Variants in EIF3A observed in about 807,000 individuals in gnomAD.
The protein encoded by EIF3A is eukaryotic translation initiation factor 3 subunit A.
A neutral mutation model predicts 186.6 loss-of-function variants in EIF3A; 21 were observed. The observed-to-expected ratio is 0.11, with a 90% CI of 0.08 to 0.16. The LOEUF (loss-of-function observed/expected upper bound fraction) is 0.16, where lower values mean the gene tolerates loss of function less well. Ranked by LOEUF, EIF3A falls within the 10% of genes least tolerant of loss-of-function variation. EIF3A has a pLI of 1.00. For missense variants in EIF3A, 1,306 were observed against 1,796.3 expected (o/e 0.73, Z 4.93); for synonymous variants, 563 against 584.3 (o/e 0.96, Z 0.52).
Position 119,075,621 on chromosome 10 carries a change from A to AAGG in EIF3A, c.50-1685_50-1684insCCT, listed in dbSNP as rs5788327. On this transcript the variant is annotated intron_variant, in intron 1 of 21. Coordinates refer to ENST00000369144, the MANE Select transcript of EIF3A (RefSeq NM_003750.4). The stretch of plus-strand genomic sequence containing the variant: ...CTAAAACACTACACTAAAAAAAAAA[A>AAGG]GGGGGGGAGCTTAAAACACTATATA... 4.6e-3 allele frequency among the ~76,000 whole-genome samples: 519 copies of AAGG among 111,712 alleles called. 12 individuals are homozygous for AAGG. The highest frequency in any genetic ancestry group is 8.5e-3 in the African/African-American group (246 of 29,088). 73.3% of individuals were successfully genotyped at this position (111,712 alleles called of 152,430 possible).
intron 9 of EIF3A, 116 bp from the exon 10 acceptor site, chr10:119,059,834 G>C (rs901800655): frequency 1.4e-6 from 1 of 727,342 alleles, no homozygotes; most frequent in Non-Finnish European, 2.5e-6. Flanking sequence ...TATGTTAGCA[G>C]TACATTGTTA....
Position 119,038,383 on chromosome 10 carries a change from A to C in EIF3A, c.3583T>G (p.Ser1195Ala). 6.2e-7 allele frequency: 1 copy of C among 1,613,788 alleles called. No individual in the cohort carries two copies. The highest frequency in any genetic ancestry group is 8.5e-7 in the Non-Finnish European group (1 of 1,179,950). The change falls in exon 20 of 22, where the codon TCA (serine) becomes GCA (alanine). Residue 1195 changes from serine to alanine, a missense_variant. Around this residue, in one of 8 missense-constraint regions of EIF3A, gnomAD observed 331 missense variants for 365.8 expected, o/e 0.90. Transcript: ENST00000369144. ...REESWGPPRE[S>A]RPSEEREWDR... is the part of the protein sequence containing the mutation. ...CATTCACGTTCTTCTGATGGCCTTGATTCTCGAGGTGGACCCCAGCTCTCC... is the reference window on the plus strand; with the variant it reads ...CATTCACGTTCTTCTGATGGCCTTGCTTCTCGAGGTGGACCCCAGCTCTCC...
chr10:119,072,665 G>A (rs1844097489), intron 4 of EIF3A, among the ~76,000 whole-genome samples: 1 of 152,156 alleles, frequency 6.6e-6, no homozygotes, highest in African/African-American at 2.4e-5. Context: ...ATGTTGGCCA[G>A]GCCGCTCTTG....
intron 7 of EIF3A, among the ~76,000 whole-genome samples, chr10:119,063,888 G>A (rs1843928915): frequency 6.6e-6 from 1 of 152,224 alleles, no homozygotes; most frequent in Admixed American, 6.5e-5. Flanking sequence ...TTCACGACCA[G>A]CCTAGCCAAC....
At position 119,044,037 on chromosome 10, in the gene EIF3A, T is replaced by C. The variant is rs1461228460; in HGVS notation, c.2747+17A>G. 1 of 1,583,958 alleles carries C rather than the reference T, an allele frequency of 6.3e-7. No individual in the cohort carries two copies. The highest frequency in any genetic ancestry group is 8.7e-7 in the Non-Finnish European group (1 of 1,153,324). On this transcript the variant is annotated intron_variant, in intron 18 of 21. Transcript: ENST00000369144. ...AACAGGAACTGGAGCGGCATTATTT[T>C]CCTCAACTCTACTTACTTCTCTGGC...
rs1174695568 is a variant in EIF3A at position 119,042,324 on chromosome 10, C to T, written c.3196G>A (p.Asp1066Asn). 3.1e-6 allele frequency: 5 copies of T among 1,613,780 alleles called. No homozygotes were observed. In the Admixed American group the frequency reaches 8.3e-5, roughly 27 times the overall value. ...TCCAACCCTCGCCTGGGACCCCGGT[C>T]ATCATCAGCATTACGCCAGGATGAT... ...ERSSWRNADD[D>N]RGPRRGLDDD... The change falls in exon 19 of 22, where the codon GAC (aspartate) becomes AAC (asparagine). Residue 1066 changes from aspartate (D) to asparagine (N), a missense_variant. Physicochemically the swap from Asp to Asn is conservative, Grantham distance 23. Around this residue, in one of 8 missense-constraint regions of EIF3A, gnomAD observed 410 missense variants for 473.5 expected, o/e 0.87. Transcript: ENST00000369144. This position sits in a 1 kb window ranked among gnomAD's most constrained non-coding sequence, Gnocchi z 7.8.
At position 119,069,490 on chromosome 10, in the gene EIF3A, G is replaced by A. The variant is rs375631621; in HGVS notation, c.906C>T (p.Leu302=). ...TGAGATTCTTTCTCATTTCTCTAGA[G>A]AGATGGTAAAGACGATGGAGTGTAG... is the stretch of plus-strand genomic sequence containing the variant. The part of the protein sequence containing the change: ...HASTLHRLYH[L]SREMRKNLTQ... Residue 302 remains leucine (L), a synonymous_variant, in exon 6 of 22, where the codon CTC becomes CTT. Transcript: ENST00000369144. The A allele has an allele frequency of 5.7e-6, 9 of 1,579,088 alleles. No homozygotes were observed. The highest frequency in any genetic ancestry group is 2.2e-5 in the South Asian group (2 of 90,362).
At chr10:119,049,644 C>T (rs770656522) in intron 17 of EIF3A, among the ~76,000 whole-genome samples, 157 bp downstream of exon 17, 12 of 151,682 alleles carry the variant, frequency 7.9e-5, no homozygotes, top group Non-Finnish European at 1.8e-4. Context: ...CTCAGCTACT[C>T]AGGAGGCTGA....
chr10:119,036,212 G>A lies in EIF3A; in HGVS notation c.3976C>T (p.Pro1326Ser), dbSNP rs569387973. ...GCTGGGGGAGGAACTCGACGAGGAGGGTCCCGCTCTTCCACCCGGTCATCT... is the reference window on the plus strand; with the variant it reads ...GCTGGGGGAGGAACTCGACGAGGAGAGTCCCGCTCTTCCACCCGGTCATCT... ...RKDDRVEERD[P>S]PRRVPPPALS... Residue 1326 changes from proline to serine, a missense_variant, in exon 22 of 22, where the codon CCT becomes TCT. Physicochemically the swap from Pro to Ser is moderately conservative, Grantham distance 74. Around this residue, in one of 8 missense-constraint regions of EIF3A, gnomAD observed 331 missense variants for 365.8 expected, o/e 0.90. Coordinates refer to ENST00000369144, the MANE Select transcript of EIF3A (RefSeq NM_003750.4). 1.2e-6 allele frequency: 2 copies of A among 1,613,316 alleles called. No individual in the cohort carries two copies. Among genetic ancestry groups the A allele is most frequent in the South Asian group, 1.1e-5 (1 of 91,038 alleles).
At chr10:119,075,830 C>T (rs1427216415) in intron 1 of EIF3A, among the ~76,000 whole-genome samples, 2 of 144,734 alleles carry the variant, frequency 1.4e-5, no homozygotes, top group Non-Finnish European at 3.0e-5. Flanking sequence ...TCTCCTGCCT[C>T]AGCCTCCTGA....
chr10:119,080,399 G>A, intron 1 of EIF3A: 9 of 985,466 alleles, frequency 9.1e-6, no homozygotes, highest in Non-Finnish European at 1.1e-5. Context: ...GCAGGGGGAA[G>A]GAAAGGCCCC....
Position 119,038,456 on chromosome 10 carries a change from G to C in EIF3A, c.3527-17C>G. 6.3e-7 allele frequency: 1 copy of C among 1,579,914 alleles called. No homozygotes were observed. Among genetic ancestry groups the C allele is most frequent in the Non-Finnish European group, 8.6e-7 (1 of 1,165,282 alleles). ...TCCATCCACCTGTTTTTTTGAAAAA[G>C]CAAAACATTTTTAAAATATTTTTAA... On this transcript the variant is annotated splice_polypyrimidine_tract_variant and intron_variant, in intron 19 of 21. Transcript: ENST00000369144.
At position 119,072,900 on chromosome 10, in the gene EIF3A, A is replaced by C. The variant is rs746358454; in HGVS notation, c.531T>G (p.Ile177Met). The C allele has an allele frequency of 1.9e-6, 3 of 1,609,844 alleles. No homozygotes were observed. The highest frequency in any genetic ancestry group is 2.5e-6 in the Non-Finnish European group (3 of 1,178,906). The change falls in exon 4 of 22, where the codon ATT (isoleucine) becomes ATG (methionine). Residue 177 changes from isoleucine (I) to methionine (M), a missense_variant. By Grantham distance (10) the Ile-to-Met change is conservative. This residue lies in a region of EIF3A where 130 missense variants were observed against 259.3 expected (regional missense o/e 0.50). Coordinates refer to ENST00000369144, the MANE Select transcript of EIF3A (RefSeq NM_003750.4). Reference protein sequence around the residue: ...NSRVERLYHDIAQQAFKFCLQ... With the variant: ...NSRVERLYHDMAQQAFKFCLQ... ...ATCTTCTCATCTTACCTTGCTGGGC[A>C]ATATCATGGTACAGGCGCTCTACTC...
At position 119,036,150 on chromosome 10, in the gene EIF3A, TTCTCGGTCTCGG is replaced by T. The variant is rs761688180; in HGVS notation, c.4026_4037del (p.Asp1342_Arg1345del). Reference sequence around the variant, plus strand: ...AGGCCTTCTCTTTTTCACCTTCTCTTTCTCGGTCTCGGTCTCTTTCTCGGTCTCTTGAAAGAG... The same window carrying T: ...AGGCCTTCTCTTTTTCACCTTCTCTTTCTCTTTCTCGGTCTCTTGAAAGAG... On this transcript the variant is annotated inframe_deletion, in exon 22 of 22. Coordinates refer to ENST00000369144, the MANE Select transcript of EIF3A (RefSeq NM_003750.4). 1 of 1,613,934 alleles carries T rather than the reference TTCTCGGTCTCGG, an allele frequency of 6.2e-7. No individual in the cohort carries two copies. Among genetic ancestry groups the T allele is most frequent in the Non-Finnish European group, 8.5e-7 (1 of 1,179,886 alleles).
chr10:119,080,037 G>A (rs1844237295), intron 1 of EIF3A, among the ~76,000 whole-genome samples: 1 of 152,238 alleles, frequency 6.6e-6, no homozygotes, highest in Non-Finnish European at 1.5e-5. Flanking sequence ...ATGGGTCAGA[G>A]GCCCCTAAGT....
chr10:119,037,653 T>C (rs73432141), intron 20 of EIF3A, among the ~76,000 whole-genome samples: 3,973 of 152,144 alleles, frequency 0.026, 180 homozygotes, highest in African/African-American at 0.088. Flanking sequence ...TTGAAGAAAA[T>C]TGCATCGAAC....
Position 119,044,056 on chromosome 10 carries a change from C to A in EIF3A, c.2745G>T (p.Glu915Asp), listed in dbSNP as rs1235668473. Residue 915 changes from glutamate (E) to aspartate (D), a missense_variant and splice_region_variant, in exon 18 of 22, where the codon GAG becomes GAT. Physicochemically the swap from Glu to Asp is conservative, Grantham distance 45. This residue lies in a region of EIF3A where 410 missense variants were observed against 473.5 expected (regional missense o/e 0.87). Coordinates refer to ENST00000369144, the MANE Select transcript of EIF3A (RefSeq NM_003750.4). ...ADSEWRRGPP[E>D]KEWRRGEGRD... ...TTATTTTCCTCAACTCTACTTACTT[C>A]TCTGGCGGGCCTCTTCTCCACTCAG... is the stretch of plus-strand genomic sequence containing the variant. 6.2e-7 allele frequency: 1 copy of A among 1,611,216 alleles called. No homozygotes were observed. The highest frequency in any genetic ancestry group is 1.7e-5 in the Admixed American group (1 of 59,994).
chr10:119,059,151 T>C lies in EIF3A; in HGVS notation c.1629+61A>G, dbSNP rs141299128. 5.2e-6 allele frequency: 7 copies of C among 1,335,062 alleles called. No homozygotes were observed. The Admixed American group carries it at 5.9e-5, about 11-fold the overall frequency. 82.7% of individuals were successfully genotyped at this position (1,335,062 alleles called of 1,614,324 possible). A position where few individuals can be genotyped will look rare whatever the true frequency, so the allele number is the denominator to read the frequency against. On this transcript the variant is annotated intron_variant, in intron 11 of 21. Transcript: ENST00000369144. The stretch of plus-strand genomic sequence containing the variant: ...GTCTCAAACCTTTTTGTAAAAGACA[T>C]GGCATGGCGTTAAGAGTCCCTCAAA...
rs1848115714 is a variant in EIF3A, at chr10:119,035,532, A to C, written c.*507T>G. ...TGTTTACTTCAAGTGAATCTAAAAA[A>C]TTTCTAAATTTAGTTTATGGTAAAT... On this transcript the variant is annotated 3_prime_UTR_variant, in exon 22 of 22. Transcript: ENST00000369144. The C allele has an allele frequency of 6.6e-6, 1 of 152,492 alleles. No individual in the cohort carries two copies. The allele number at this position is 152,492 out of a possible 1,614,324, so 9.4% of individuals were successfully genotyped here.
Sources: gnomAD v4.1 joint callset for allele counts (sites outside exome capture counted in the v4.1 genomes callset) on GRCh38, gnomAD v4.1.1 for gene constraint, gnomAD v4.1.1 regional missense constraint, Gnocchi (gnomAD v3.1) non-coding constraint, MANE v1.5 for transcripts, NCBI Gene and HGNC (gene_info 2026-07-23, HGNC 2026-07-21) for gene names.